PLD5: variants seen among roughly 807,000 people sequenced by gnomAD.
PLD5 encodes the protein phospholipase D family member 5.
A neutral mutation model predicts 61.1 loss-of-function variants in PLD5; 36 were observed. The observed-to-expected ratio is 0.59, with a 90% CI of 0.45 to 0.78. PLD5 has a LOEUF of 0.78. PLD5 is among the 30% of genes least tolerant of loss of function. The pLI, the probability that PLD5 is intolerant of heterozygous loss-of-function variation, is 0.00. For missense variants in PLD5, 515 were observed against 644.4 expected (o/e 0.80, Z 2.17); for synonymous variants, 243 against 242.8 (o/e 1.00, Z -0.01).
intron 5 of PLD5, among the ~76,000 whole-genome samples, chr1:242,205,226 C>T (rs1223231206): frequency 6.6e-6 from 1 of 152,126 alleles, no homozygotes; most frequent in Admixed American, 6.5e-5. Flanking sequence ...ATGAAAACCT[C>T]ATGTTAGGAA....
intron 4 of PLD5, among the ~76,000 whole-genome samples, chr1:242,224,362 T>C (rs182922584): frequency 6.6e-6 from 1 of 152,292 alleles, no homozygotes; most frequent in East Asian, 1.9e-4. Flanking sequence ...TTTTTTACAA[T>C]GTCACATATT....
At chr1:242,419,386 G>GTTTT (rs58320205) in intron 1 of PLD5, among the ~76,000 whole-genome samples, 2 of 96,500 alleles carry the variant, frequency 2.1e-5, no homozygotes, top group Non-Finnish European at 4.2e-5. Flanking sequence ...CCTGATTTTT[G>GTTTT]TTTTTTTTTT....
the PLD5 span, among the ~76,000 whole-genome samples, chr1:242,529,824 T>TTCCTTCCTTCCA: frequency 2.7e-5 from 4 of 148,864 alleles, no homozygotes; most frequent in African/African-American, 1.0e-4. Context: ...CCTTCCTTCC[T>TTCCTTCCTTCCA]TCTTCTTCTC....
At chr1:242,400,200 A>G (rs1437594691) in intron 1 of PLD5, among the ~76,000 whole-genome samples, 1 of 148,024 alleles carries the variant, frequency 6.8e-6, no homozygotes, top group South Asian at 2.2e-4. Context: ...AAAAAAAAAA[A>G]GAATCTAACT....
chr1:242,340,408 G>C (rs1021498674), intron 2 of PLD5, among the ~76,000 whole-genome samples: 6 of 151,402 alleles, frequency 4.0e-5, no homozygotes, highest in African/African-American at 1.5e-4. Flanking sequence ...ATAGATCAAA[G>C]TTAATGTAGA....
intron 1 of PLD5, among the ~76,000 whole-genome samples, chr1:242,378,099 A>G (rs1662068591): frequency 6.6e-6 from 1 of 152,240 alleles, no homozygotes; most frequent in African/African-American, 2.4e-5. Context: ...TGCAACAGCC[A>G]AAATGTAGAA....
intron 8 of PLD5, among the ~76,000 whole-genome samples, chr1:242,104,054 T>C (rs1368860730): frequency 2.0e-5 from 3 of 152,246 alleles, no homozygotes; most frequent in Non-Finnish European, 4.4e-5. Context: ...TCTGATTCTT[T>C]TTTTGATCCT....
Position 242,089,782 on chromosome 1 carries a change from GT to G in PLD5, c.*71del. 4.4e-6 allele frequency: 7 copies of G among 1,574,020 alleles called. No individual in the cohort carries two copies. Among genetic ancestry groups the G allele is most frequent in the Middle Eastern group, 1.7e-4 (1 of 5,920 alleles). Reference sequence around the variant, plus strand: ...CCTAAAAAAAGAGACATATTAAAGTGTTTTTTCTCTCCTCAAGTCCTTTATG... The same window carrying G: ...CCTAAAAAAAGAGACATATTAAAGTGTTTTTCTCTCCTCAAGTCCTTTATG... On this transcript the variant is annotated 3_prime_UTR_variant, in exon 10 of 10. Transcript: ENST00000536534.
intron 5 of PLD5, among the ~76,000 whole-genome samples, chr1:242,213,186 C>T (rs1669937292): frequency 1.3e-5 from 2 of 152,090 alleles, no homozygotes; most frequent in Non-Finnish European, 2.9e-5. Context: ...ATTCCCCTAG[C>T]AGAACAGGAC....
At chr1:242,338,057 G>A (rs1050249685) in intron 2 of PLD5, among the ~76,000 whole-genome samples, 8 of 152,020 alleles carry the variant, frequency 5.3e-5, no homozygotes, top group African/African-American at 1.9e-4. Flanking sequence ...TAAATTCTAT[G>A]GTTTTGGAAG....
rs570785734 is a variant in PLD5, at chr1:242,121,657, C to T, written c.933+2811G>A. Among the ~76,000 whole-genome samples, 36 of 152,162 alleles carry T rather than the reference C, an allele frequency of 2.4e-4. 1 individual carries two copies. The highest frequency in any genetic ancestry group is 1.0e-3 in the South Asian group (5 of 4,812). Reference sequence around the variant, plus strand: ...ACATGCACACATATGTTTATTGCGGCGCTATTCACAATAGCAAAGACTTGG... The same window carrying T: ...ACATGCACACATATGTTTATTGCGGTGCTATTCACAATAGCAAAGACTTGG... On this transcript the variant is annotated intron_variant, in intron 6 of 9. Transcript: ENST00000536534.
At chr1:242,214,436 T>G (rs1670013093) in intron 5 of PLD5, among the ~76,000 whole-genome samples, 3 of 152,296 alleles carry the variant, frequency 2.0e-5, no homozygotes, top group Middle Eastern at 3.4e-3. Flanking sequence ...TTCTTCAACT[T>G]CAGCAATTGC....
chr1:242,118,830 T>C (rs931881914), intron 6 of PLD5, among the ~76,000 whole-genome samples: 2 of 152,202 alleles, frequency 1.3e-5, no homozygotes, highest in African/African-American at 4.8e-5. Flanking sequence ...GTCTTCTACC[T>C]TTAAAAATAG....
intron 1 of PLD5, among the ~76,000 whole-genome samples, chr1:242,456,893 T>C (rs887063543): frequency 6.6e-6 from 1 of 152,162 alleles, no homozygotes; most frequent in Non-Finnish European, 1.5e-5. Flanking sequence ...CGTAACACTA[T>C]TTCCTAATTC....
intron 5 of PLD5, among the ~76,000 whole-genome samples, chr1:242,125,860 C>T (rs1468965610): frequency 3.3e-5 from 5 of 152,156 alleles, no homozygotes; most frequent in Non-Finnish European, 7.3e-5. Flanking sequence ...TTCCTCTGTA[C>T]AGATCTGTCA....
chr1:242,249,215 C>A (rs1473399180), intron 4 of PLD5, among the ~76,000 whole-genome samples: 1 of 152,154 alleles, frequency 6.6e-6, no homozygotes, highest in Non-Finnish European at 1.5e-5. Flanking sequence ...GGGCTCCTCC[C>A]TTTTGAATTG....
chr1:242,317,240 C>T (rs1218166869), intron 2 of PLD5, among the ~76,000 whole-genome samples: 5 of 152,198 alleles, frequency 3.3e-5, no homozygotes, highest in Non-Finnish European at 7.3e-5. Flanking sequence ...GTCTCGAACT[C>T]CTGACATCAG....
chr1:242,512,247 TA>T (rs1668944214), intron 1 of PLD5, among the ~76,000 whole-genome samples: 1 of 133,828 alleles, frequency 7.5e-6, no homozygotes, highest in Non-Finnish European at 1.6e-5. Flanking sequence ...TCGTCTCTAC[TA>T]AAAATACAAA....
rs372060534 is a variant in PLD5 at position 242,387,431 on chromosome 1, G to A, written c.190-39189C>T. On this transcript the variant is annotated intron_variant, in intron 1 of 9. Coordinates refer to ENST00000536534, the MANE Select transcript of PLD5 (RefSeq NM_001372062.1). ...GCCAATGGAACAGAACTGAGAATCT[G>A]GAAGCATAGAAGCACAGAATTTAGG... 3.2e-4 allele frequency among the ~76,000 whole-genome samples: 49 copies of A among 152,220 alleles called. 1 individual carries two copies. Among genetic ancestry groups the A allele is most frequent in the African/African-American group, 1.2e-3 (49 of 41,554 alleles).
Sources: gnomAD v4.1 joint callset for allele counts (sites outside exome capture counted in the v4.1 genomes callset) on GRCh38, gnomAD v4.1.1 for gene constraint, MANE v1.5 for transcripts, NCBI Gene and HGNC (gene_info 2026-07-23, HGNC 2026-07-21) for gene names.